LAMB4: variants seen among roughly 807,000 people sequenced by gnomAD.
LAMB4 encodes the protein laminin subunit beta 4, also known as laminin subunit beta-4.
LAMB4 carries 196 observed loss-of-function variants against 199.2 expected under a neutral mutation model. The observed-to-expected ratio is 0.98, with a 90% CI of 0.88 to 1.11. The LOEUF is 1.11. Ranked by LOEUF, LAMB4 falls within the 50% of genes least tolerant of loss-of-function variation. LAMB4 has a pLI of 0.00. For missense variants in LAMB4, 2,080 were observed against 2,171.2 expected (o/e 0.96, Z 0.83); for synonymous variants, 744 against 770.6 (o/e 0.97, Z 0.57).
downstream of LAMB4, among the ~76,000 whole-genome samples, chr7:108,019,947 C>A (rs1415589197): frequency 2.0e-5 from 3 of 152,098 alleles, no homozygotes; most frequent in African/African-American, 7.2e-5. Flanking sequence ...CTTTAATGGG[C>A]CACACCAGCT....
intron 29 of LAMB4, among the ~76,000 whole-genome samples, chr7:108,042,303 G>A (rs140385492): frequency 1.4e-3 from 211 of 151,894 alleles, no homozygotes; most frequent in African/African-American, 5.0e-3. Flanking sequence ...TTAATAATCT[G>A]GACATAGATT....
Position 108,029,202 on chromosome 7 carries a change from A to T in LAMB4, c.4993-6T>A, listed in dbSNP as rs745698245. 4 of 1,610,976 alleles carry T rather than the reference A, an allele frequency of 2.5e-6. No homozygotes were observed. Among genetic ancestry groups the T allele is most frequent in the Non-Finnish European group, 3.4e-6 (4 of 1,178,912 alleles). On this transcript the variant is annotated splice_polypyrimidine_tract_variant and splice_region_variant and intron_variant, in intron 32 of 33. Transcript: ENST00000388781. ...TTTTTCAGCTCAACAAATTCCTGTAACAAGCAACACTTGCATCATGAGAAA... is the reference window on the plus strand; with the variant it reads ...TTTTTCAGCTCAACAAATTCCTGTATCAAGCAACACTTGCATCATGAGAAA...
intron 3 of LAMB4, among the ~76,000 whole-genome samples, chr7:108,114,151 G>A (rs764451600): frequency 2.0e-5 from 3 of 152,164 alleles, no homozygotes; most frequent in Admixed American, 2.0e-4. Flanking sequence ...GGAAAGTGGC[G>A]GTGGCTCATG....
intron 14 of LAMB4, among the ~76,000 whole-genome samples, chr7:108,081,663 C>T (rs369302367): frequency 5.9e-5 from 9 of 152,076 alleles, no homozygotes; most frequent in African/African-American, 1.2e-4. Flanking sequence ...CAGTGAGGGC[C>T]GTGGTGGGTG....
At chr7:108,047,536 T>G (rs2035669084) in intron 28 of LAMB4, among the ~76,000 whole-genome samples, 1 of 152,184 alleles carries the variant, frequency 6.6e-6, no homozygotes, top group Non-Finnish European at 1.5e-5. Context: ...CATAAATATA[T>G]GTTAATTGAC....
intron 14 of LAMB4, among the ~76,000 whole-genome samples, chr7:108,086,979 C>G (rs563930160): frequency 6.6e-6 from 1 of 152,124 alleles, no homozygotes; most frequent in East Asian, 1.9e-4. Flanking sequence ...TCTCCTCTTT[C>G]AGGTGGACTT....
At chr7:108,096,939 CAAAAAAAAAAAAAAAAAAA>C (rs746917278) in intron 11 of LAMB4, among the ~76,000 whole-genome samples, 22 of 52,826 alleles carry the variant, frequency 4.2e-4, no homozygotes, top group African/African-American at 1.7e-3. Context: ...CTGTCTCTCT[CAAAAAAAAAAAAAAAAAAA>C]AAAAAAAAAA....
chr7:108,089,226 T>C (rs1192140848), intron 14 of LAMB4, among the ~76,000 whole-genome samples: 3 of 152,186 alleles, frequency 2.0e-5, no homozygotes, highest in African/African-American at 7.2e-5. Context: ...TCTTTGAACA[T>C]GGTGCAGTAT....
chr7:108,105,781 AG>A (rs772322407), intron 8 of LAMB4, 35 bp downstream of exon 8: 2 of 1,569,970 alleles, frequency 1.3e-6, no homozygotes, highest in Non-Finnish European at 8.8e-7. Flanking sequence ...AAAGGCAGGT[AG>A]GACAGCCCAC....
rs2035680859 is a variant in LAMB4 at position 108,047,798 on chromosome 7, A to G, written c.4326+110T>C. The G allele has an allele frequency of 3.6e-6, 3 of 836,256 alleles. 1 individual carries two copies. Among genetic ancestry groups the G allele is most frequent in the South Asian group, 3.2e-5 (2 of 62,464 alleles). 51.8% of individuals were successfully genotyped at this position (836,256 alleles called of 1,614,324 possible). A position where few individuals can be genotyped will look rare whatever the true frequency, so the allele number is the denominator to read the frequency against. On this transcript the variant is annotated intron_variant, in intron 28 of 33. Transcript: ENST00000388781. ...ATTTCCAGGCACAAGAACACCAACT[A>G]TCTAGAATCTATCTTCTCACTTGGA...
At chr7:108,021,445 C>T (rs1466822854), downstream of LAMB4, among the ~76,000 whole-genome samples, 1 of 152,152 alleles carries the variant, frequency 6.6e-6, no homozygotes, top group Non-Finnish European at 1.5e-5. Context: ...CATGGTGGCT[C>T]ACGCCTGTAA....
intron 11 of LAMB4, among the ~76,000 whole-genome samples, chr7:108,097,973 T>C (rs2037675442): frequency 6.6e-6 from 1 of 152,146 alleles, no homozygotes; most frequent in Non-Finnish European, 1.5e-5. Context: ...ACTAACCGCT[T>C]AGGATTTACG....
At chr7:108,016,522 G>T in the LAMB4 span, among the ~76,000 whole-genome samples, 2 of 152,114 alleles carry the variant, frequency 1.3e-5, no homozygotes, top group Admixed American at 1.3e-4. Context: ...GGCCTCAAGT[G>T]ATCCGCCTGC....
chr7:108,075,223 TC>T (rs1308998289), intron 17 of LAMB4, among the ~76,000 whole-genome samples: 1 of 152,204 alleles, frequency 6.6e-6, no homozygotes. Flanking sequence ...GGTTTAAAAT[TC>T]CCAATTAAGA....
chr7:108,067,418 C>T (rs2036379973), intron 19 of LAMB4, among the ~76,000 whole-genome samples: 1 of 152,184 alleles, frequency 6.6e-6, no homozygotes, highest in Non-Finnish European at 1.5e-5. Flanking sequence ...TAATGATTTA[C>T]ACTGTGAAGA....
chr7:108,012,597 T>A, the LAMB4 span, among the ~76,000 whole-genome samples: 1 of 152,254 alleles, frequency 6.6e-6, no homozygotes, highest in Non-Finnish European at 1.5e-5. Flanking sequence ...CAGTCACTAA[T>A]GAATTTACTG....
intron 7 of LAMB4, 97 bp downstream of exon 7, chr7:108,106,412 C>A: frequency 1.4e-6 from 1 of 733,384 alleles, no homozygotes; most frequent in Non-Finnish European, 2.2e-6. Flanking sequence ...GGCAAGACTC[C>A]GTCTCAAGAA....
At chr7:108,024,834 C>T (rs1203995808) in intron 33 of LAMB4, among the ~76,000 whole-genome samples, 2 of 152,160 alleles carry the variant, frequency 1.3e-5, no homozygotes, top group Non-Finnish European at 2.9e-5. Context: ...TAAACCTTAA[C>T]AAGGAGACTA....
chr7:108,048,345 T>A (rs900857995), intron 27 of LAMB4, among the ~76,000 whole-genome samples: 1 of 152,012 alleles, frequency 6.6e-6, no homozygotes, highest in Non-Finnish European at 1.5e-5. Context: ...TTTGTATTTT[T>A]AGTAGAGACA....
Sources: gnomAD v4.1 joint callset for allele counts (sites outside exome capture counted in the v4.1 genomes callset) on GRCh38, gnomAD v4.1.1 for gene constraint, MANE v1.5 for transcripts, NCBI Gene and HGNC (gene_info 2026-07-23, HGNC 2026-07-21) for gene names.